Variants in ATP11B observed in about 807,000 individuals in gnomAD.
ATP11B encodes the protein phospholipid-transporting ATPase IF.
Under a neutral mutation model 157.8 loss-of-function variants are expected in ATP11B, and 81 were observed. The observed-to-expected ratio is 0.51, with a 90% confidence interval of 0.43 to 0.62. The LOEUF (loss-of-function observed/expected upper bound fraction) is 0.62, where lower values mean the gene tolerates loss of function less well. ATP11B is among the 20% of genes least tolerant of loss of function. The pLI is 0.00. For synonymous variants in ATP11B, 451 were observed against 469.4 expected, an observed-to-expected ratio of 0.96 and a Z score of 0.51; for missense variants, 1,165 against 1,402.2, an observed-to-expected ratio of 0.83 and a Z score of 2.70.
At chr3:182,825,566 C>T (rs1717657831) in intron 2 of ATP11B, among the ~76,000 whole-genome samples, 1 of 151,712 alleles carries the variant, frequency 6.6e-6, no homozygotes, top group Non-Finnish European at 1.5e-5. Flanking sequence ...TAAAAAAATA[C>T]AAAAAAATTA....
chr3:182,857,164 G>A (rs562029035), intron 10 of ATP11B, among the ~76,000 whole-genome samples: 8 of 151,654 alleles, frequency 5.3e-5, no homozygotes, highest in African/African-American at 1.5e-4. Context: ...TTGTTTTTTC[G>A]AGACAGAGTC....
At chr3:182,817,447 A>AT (rs1398383831) in intron 1 of ATP11B, among the ~76,000 whole-genome samples, 1 of 152,056 alleles carries the variant, frequency 6.6e-6, no homozygotes, top group Non-Finnish European at 1.5e-5. Flanking sequence ...CACCCAGCTA[A>AT]TTTTTTAATT....
intron 4 of ATP11B, among the ~76,000 whole-genome samples, chr3:182,834,838 T>G (rs1718422836): frequency 6.6e-6 from 1 of 152,184 alleles, no homozygotes; most frequent in Admixed American, 6.5e-5. Flanking sequence ...CATGTATAAG[T>G]TTTGACTCTC....
chr3:182,823,056 C>T (rs998148174), intron 2 of ATP11B, among the ~76,000 whole-genome samples: 1 of 152,180 alleles, frequency 6.6e-6, no homozygotes, highest in Non-Finnish European at 1.5e-5. Context: ...TTCTCCCATT[C>T]TGTAGGTTGC....
rs1279379190 is a variant in ATP11B at position 182,793,556 on chromosome 3, G to T, written c.-204G>T. 2.8e-6 allele frequency: 1 copy of T among 362,506 alleles called. No individual in the cohort carries two copies. Among genetic ancestry groups the T allele is most frequent in the African/African-American group, 2.1e-5 (1 of 46,876 alleles). The allele number at this position is 362,506 out of a possible 1,614,324, so 22.5% of individuals were successfully genotyped here. On this transcript the variant is annotated 5_prime_UTR_variant, in exon 1 of 30. Coordinates refer to ENST00000323116, the MANE Select transcript of ATP11B (RefSeq NM_014616.3). Reference sequence around the variant, plus strand: ...GCAGGCTCAGCTGCGCCGGGCGGGGGCGGCGCCGGGGCCGCGCCTGTAGGA... The same window carrying T: ...GCAGGCTCAGCTGCGCCGGGCGGGGTCGGCGCCGGGGCCGCGCCTGTAGGA...
At chr3:182,883,059 TAGTA>T (rs987714685) in intron 21 of ATP11B, among the ~76,000 whole-genome samples, 3 of 152,198 alleles carry the variant, frequency 2.0e-5, no homozygotes, top group African/African-American at 7.2e-5. Context: ...TATACAATGT[TAGTA>T]GGAGCATAAA....
At chr3:182,851,587 A>G (rs1719981603) in intron 10 of ATP11B, among the ~76,000 whole-genome samples, 1 of 152,242 alleles carries the variant, frequency 6.6e-6, no homozygotes, top group Non-Finnish European at 1.5e-5. Flanking sequence ...ATACAATAGC[A>G]TCTATAAATT....
intron 18 of ATP11B, among the ~76,000 whole-genome samples, chr3:182,873,576 A>C (rs752309158): frequency 6.6e-6 from 1 of 152,240 alleles, no homozygotes; most frequent in Non-Finnish European, 1.5e-5. Context: ...CATTCTTAAA[A>C]TATGAAATTG....
intron 1 of ATP11B, among the ~76,000 whole-genome samples, chr3:182,802,491 A>G (rs1463918945): frequency 2.0e-5 from 3 of 151,972 alleles, no homozygotes; most frequent in Non-Finnish European, 4.4e-5. Flanking sequence ...CTTTATTCAC[A>G]CTAGCCTTAT....
chr3:182,825,288 A>G (rs1400898149), intron 2 of ATP11B, among the ~76,000 whole-genome samples: 1 of 152,166 alleles, frequency 6.6e-6, no homozygotes, highest in Non-Finnish European at 1.5e-5. Context: ...GAATACAGCT[A>G]TTAATGTTTT....
chr3:182,845,809 G>A (rs2108519863), intron 9 of ATP11B, among the ~76,000 whole-genome samples: 1 of 152,266 alleles, frequency 6.6e-6, no homozygotes, highest in East Asian at 1.9e-4. Context: ...GTAATGGTGG[G>A]TGAGAACCAA....
intron 1 of ATP11B, among the ~76,000 whole-genome samples, chr3:182,799,940 T>C (rs1441789247): frequency 1.3e-5 from 2 of 152,004 alleles, no homozygotes; most frequent in South Asian, 2.1e-4. Flanking sequence ...AGTGAGACCC[T>C]GTGTCTACAA....
chr3:182,796,999 G>A (rs1369869567), intron 1 of ATP11B, among the ~76,000 whole-genome samples: 3 of 152,136 alleles, frequency 2.0e-5, no homozygotes, highest in Admixed American at 2.0e-4. Flanking sequence ...AAATGAGAAG[G>A]TCTTAATCTG....
Position 182,793,634 on chromosome 3 carries a change from C to T in ATP11B, c.-126C>T, listed in dbSNP as rs945357060. 2.5e-4 allele frequency: 123 copies of T among 482,992 alleles called. No homozygotes were observed. The highest frequency in any genetic ancestry group is 6.2e-4 in the Admixed American group (14 of 22,536). 29.9% of individuals were successfully genotyped at this position (482,992 alleles called of 1,614,324 possible). On this transcript the variant is annotated 5_prime_UTR_variant, in exon 1 of 30. Coordinates refer to ENST00000323116, the MANE Select transcript of ATP11B (RefSeq NM_014616.3). ...CGCGGCGCGGGGAGTGAGGCAGTGGCGGCGGCGGCGGTAAGCGGAACTTCG... is the reference window on the plus strand; with the variant it reads ...CGCGGCGCGGGGAGTGAGGCAGTGGTGGCGGCGGCGGTAAGCGGAACTTCG...
rs1361324168 is a variant in ATP11B at position 182,921,599 on chromosome 3, A to ATATT, written c.*3499_*3502dup. On this transcript the variant is annotated 3_prime_UTR_variant, in exon 30 of 30. Transcript: ENST00000323116. The stretch of plus-strand genomic sequence containing the variant: ...ATAATTTTTTAAAGTTTATGAAGTT[A>ATATT]TATTTATCAAATAAAAACTTTCCTA... 2 of 152,200 alleles carry ATATT rather than the reference A, an allele frequency of 1.3e-5. No homozygotes were observed. Among genetic ancestry groups the ATATT allele is most frequent in the African/African-American group, 4.8e-5 (2 of 41,454 alleles). 9.4% of individuals were successfully genotyped at this position (152,200 alleles called of 1,614,324 possible). A position where few individuals can be genotyped will look rare whatever the true frequency, so the allele number is the denominator to read the frequency against.
intron 4 of ATP11B, among the ~76,000 whole-genome samples, chr3:182,835,153 A>G (rs1718451830): frequency 6.6e-6 from 1 of 152,108 alleles, no homozygotes; most frequent in African/African-American, 2.4e-5. Flanking sequence ...GAGGAGGTGA[A>G]TAGGGAGGAA....
At chr3:182,917,655 T>C (rs1725228045) in intron 29 of ATP11B, 1 of 985,176 alleles carries the variant, frequency 1.0e-6, no homozygotes, top group African/African-American at 1.7e-5. Context: ...GGGATTTGGG[T>C]TTGTTTTTGT....
intron 8 of ATP11B, chr3:182,843,765 A>G (rs1719239797): frequency 6.6e-6 from 1 of 152,214 alleles, no homozygotes; most frequent in Non-Finnish European, 1.5e-5. Flanking sequence ...GGACATGTTC[A>G]GTTTATACTG....
At chr3:182,838,605 T>TATTC (rs1043960858) in intron 7 of ATP11B, among the ~76,000 whole-genome samples, 1 of 152,118 alleles carries the variant, frequency 6.6e-6, no homozygotes, top group Non-Finnish European at 1.5e-5. Context: ...ATGCCATTTT[T>TATTC]ATTCATTCAT....
Sources: allele counts gnomAD v4.1 joint callset (sites outside exome capture counted in the v4.1 genomes callset), GRCh38; gene constraint gnomAD v4.1.1; transcripts MANE v1.5; gene names NCBI Gene and HGNC (gene_info 2026-07-23, HGNC 2026-07-21).